HOXA10: variants seen among roughly 807,000 people sequenced by gnomAD.
HOXA10 encodes the protein homeobox protein Hox-A10.
Under a neutral mutation model 29.7 loss-of-function variants are expected in HOXA10, and 12 were observed. The observed-to-expected ratio is 0.40, with a 90% confidence interval of 0.26 to 0.65. HOXA10 has a LOEUF of 0.65. Ranked by LOEUF, HOXA10 falls within the 30% of genes least tolerant of loss-of-function variation. The probability of loss-of-function intolerance (pLI) is 0.37; values close to 1 mark genes in which losing one functional copy is unlikely to be tolerated. For missense variants in HOXA10, 656 were observed against 585.9 expected (o/e 1.12, Z -1.24); for synonymous variants, 327 against 280.7 (o/e 1.16, Z -1.65).
At chr7:27,175,848 G>C (rs997118448), upstream of HOXA10, among the ~76,000 whole-genome samples, 3 of 152,236 alleles carry the variant, frequency 2.0e-5, no homozygotes, top group African/African-American at 4.8e-5. Context: ...TTGCATCCGG[G>C]TCATACGCGG....
rs1037795249 is a variant in HOXA10, at chr7:27,173,621, C to T, written c.686G>A (p.Gly229Asp). The T allele has an allele frequency of 6.5e-7, 1 of 1,535,258 alleles. No homozygotes were observed. The highest frequency in any genetic ancestry group is 1.2e-5 in the South Asian group (1 of 82,516). ...CCCGAGTTGCTGCGCGCCGCCGCCG[C>T]CGCTGCCATAGCCCTTGGCGGTGCC... Reference protein sequence around the residue: ...AYGTAKGYGSGGGGAQQLGAG... With the variant: ...AYGTAKGYGSDGGGAQQLGAG... The change falls in exon 1 of 2, where the codon GGC (glycine) becomes GAC (aspartate). Residue 229 changes from glycine to aspartate, a missense_variant. Physicochemically the swap from Gly to Asp is moderately conservative, Grantham distance 94. This residue lies in a region of HOXA10 where 594 missense variants were observed against 491.9 expected (regional missense o/e 1.21). Coordinates refer to ENST00000283921, the MANE Select transcript of HOXA10 (RefSeq NM_018951.4).
intron 1 of HOXA10, chr7:27,172,877 G>T: frequency 5.9e-6 from 1 of 170,246 alleles, no homozygotes; most frequent in South Asian, 1.3e-4. Flanking sequence ...AAAGCATGGG[G>T]GATCGTAAAC....
Position 27,173,341 on chromosome 7 carries a change from C to T in HOXA10, c.958+8G>A, listed in dbSNP as rs1407353459. The T allele has an allele frequency of 2.5e-6, 4 of 1,611,784 alleles. No individual in the cohort carries two copies. The African/African-American group carries it at 4.0e-5, about 16-fold the overall frequency. On this transcript the variant is annotated splice_region_variant and intron_variant, in intron 1 of 1. Transcript: ENST00000283921. ...CGCCTGACTGCAGCCCTCTGCAGCCCTGCTTACCCAGGGAATCCTTCTCCG... is the reference window on the plus strand; with the variant it reads ...CGCCTGACTGCAGCCCTCTGCAGCCTTGCTTACCCAGGGAATCCTTCTCCG...
upstream of HOXA10, chr7:27,174,338 C>T: frequency 1.9e-6 from 3 of 1,596,512 alleles, no homozygotes; most frequent in Non-Finnish European, 2.5e-6. Context: ...ATACGATTAG[C>T]AATCCCCCCG....
In HOXA10 at chr7:27,173,453, C is replaced by A; in HGVS notation, c.854G>T (p.Gly285Val). The A allele has an allele frequency of 6.3e-7, 1 of 1,577,512 alleles. No individual in the cohort carries two copies. ...GTGCGCCTCCTCGTCGCCCTGCGAG[C>A]CCCCGCCGCTGCCGCAAGCCAGCGT... ...PPTLACGSGGGSQGDEEAHAS... is the reference protein window; with the variant it reads ...PPTLACGSGGVSQGDEEAHAS... The change falls in exon 1 of 2, where the codon GGC becomes GTC. Residue 285 changes from glycine (G) to valine (V), a missense_variant. Coordinates refer to ENST00000283921, the MANE Select transcript of HOXA10 (RefSeq NM_018951.4).
chr7:27,178,691 C>G (rs995166320), upstream of HOXA10, among the ~76,000 whole-genome samples: 5 of 152,160 alleles, frequency 3.3e-5, no homozygotes, highest in Non-Finnish European at 7.3e-5. Flanking sequence ...CTATGATAGG[C>G]AAAATTTACG....
Position 27,173,994 on chromosome 7 carries a change from G to A in HOXA10, c.313C>T (p.Pro105Ser), listed in dbSNP as rs1278173532. 1 of 1,528,582 alleles carries A rather than the reference G, an allele frequency of 6.5e-7. No individual in the cohort carries two copies. Among genetic ancestry groups the A allele is most frequent in the South Asian group, 1.2e-5 (1 of 83,324 alleles). 94.7% of individuals were successfully genotyped at this position (1,528,582 alleles called of 1,614,324 possible). Residue 105 changes from proline (P) to serine (S), a missense_variant, in exon 1 of 2, where the codon CCC becomes TCC. This residue lies in a region of HOXA10 where 594 missense variants were observed against 491.9 expected (regional missense o/e 1.21). Transcript: ENST00000283921. ...GSGGGGGGLG[P>S]GAHGYGPSPI... ...GAGGGCCCGTAGCCGTGCGCCCCGGGACCTAGACCCCCGCCACCGCCACCG... is the reference window on the plus strand; with the variant it reads ...GAGGGCCCGTAGCCGTGCGCCCCGGAACCTAGACCCCCGCCACCGCCACCG...
chr7:27,173,390 G>A lies in HOXA10; in HGVS notation c.917C>T (p.Pro306Leu), dbSNP rs749160535. ...SSAAEELSPA[P>L]SESSKASPEK... ...CGGCGAGGCTTTGCTGCTCTCGGAA[G>A]GGGCCGGGGAGAGCTCCTCCGCGGC... Residue 306 changes from proline (P) to leucine (L), a missense_variant, in exon 1 of 2, where the codon CCT (proline) becomes CTT (leucine). Physicochemically the swap from Pro to Leu is moderately conservative, Grantham distance 98 (BLOSUM62 -3). Around this residue, in one of 2 missense-constraint regions of HOXA10, gnomAD observed 594 missense variants for 491.9 expected, o/e 1.21. Coordinates refer to ENST00000283921, the MANE Select transcript of HOXA10 (RefSeq NM_018951.4). The A allele has an allele frequency of 7.4e-6, 12 of 1,611,702 alleles. No individual in the cohort carries two copies. The African/African-American group carries it at 1.5e-4, about 20-fold the overall frequency.
chr7:27,177,465 C>T (rs913178622), upstream of HOXA10, among the ~76,000 whole-genome samples: 2 of 152,102 alleles, frequency 1.3e-5, no homozygotes, highest in African/African-American at 4.8e-5. Flanking sequence ...GCAGGCGGGC[C>T]GGCTGCTGCT....
chr7:27,171,344 GC>G lies in HOXA10; in HGVS notation c.*554del. 1 of 454,300 alleles carries G rather than the reference GC, an allele frequency of 2.2e-6. No homozygotes were observed. Among genetic ancestry groups the G allele is most frequent in the Non-Finnish European group, 4.4e-6 (1 of 226,844 alleles). 28.1% of individuals were successfully genotyped at this position (454,300 alleles called of 1,614,324 possible). A position where few individuals can be genotyped will look rare whatever the true frequency, so the allele number is the denominator to read the frequency against. The stretch of plus-strand genomic sequence containing the variant: ...CCCGTTTGCCAACCTGCATGTCCAT[GC>G]CTGTAAGCCCTTCTCTTGGCCAAGG... On this transcript the variant is annotated 3_prime_UTR_variant, in exon 2 of 2. Coordinates refer to ENST00000283921, the MANE Select transcript of HOXA10 (RefSeq NM_018951.4).
rs751339741 is a variant in HOXA10 at position 27,173,827 on chromosome 7, C to A, written c.480G>T (p.Ala160=). 9.9e-6 allele frequency: 16 copies of A among 1,610,822 alleles called. No individual in the cohort carries two copies. Among genetic ancestry groups the A allele is most frequent in the South Asian group, 2.2e-5 (2 of 90,756 alleles). ...PAPQATSCSF[A]QNIKEESSYC... is the part of the protein sequence containing the mutation. ...AGGAGCTCTCTTCTTTGATGTTCTG[C>A]GCGAAAGAGCACGAGGTGGCCTGCG... Residue 160 remains alanine (A), a synonymous_variant, in exon 1 of 2, where the codon GCG becomes GCT. Transcript: ENST00000283921.
rs997370301 is a variant in HOXA10 at position 27,170,853 on chromosome 7, A to G, written c.*1046T>C. 2.0e-5 allele frequency: 9 copies of G among 454,368 alleles called. No homozygotes were observed. Among genetic ancestry groups the G allele is most frequent in the African/African-American group, 1.8e-4 (9 of 50,002 alleles). 28.1% of individuals were successfully genotyped at this position (454,368 alleles called of 1,614,324 possible). A position where few individuals can be genotyped will look rare whatever the true frequency, so the allele number is the denominator to read the frequency against. On this transcript the variant is annotated 3_prime_UTR_variant, in exon 2 of 2. Coordinates refer to ENST00000283921, the MANE Select transcript of HOXA10 (RefSeq NM_018951.4). ...ATCTACAGGTTTGACCCTTTTATGC[A>G]TGTAACTTCACAGTATAAAGGAAAT... is the stretch of plus-strand genomic sequence containing the variant.
chr7:27,172,648 A>G (rs930121959), intron 1 of HOXA10: 18 of 200,360 alleles, frequency 9.0e-5, no homozygotes, highest in Non-Finnish European at 1.6e-4. Context: ...GAAGGGCATC[A>G]TTGGTCCAAT....
Position 27,172,173 on chromosome 7 carries a change from C to T in HOXA10, c.959G>A (p.Gly320Asp). The T allele has an allele frequency of 6.2e-7, 1 of 1,613,754 alleles. No homozygotes were observed. Among genetic ancestry groups the T allele is most frequent in the South Asian group, 1.1e-5 (1 of 91,060 alleles). Reference protein sequence around the residue: ...SKASPEKDSLGNSKGENAANW... With the variant: ...SKASPEKDSLDNSKGENAANW... ...GGCTGCGTTTTCACCTTTGGAATTG[C>T]CTGGCATGTAAGAGAATAAAGAGGG... The change falls in exon 2 of 2, where the codon GGC becomes GAC. Residue 320 changes from glycine (G) to aspartate (D), a missense_variant and splice_region_variant. Transcript: ENST00000283921.
chr7:27,174,044 C>A lies in HOXA10; in HGVS notation c.263G>T (p.Arg88Leu). ...CGLFPTLGGK[R>L]NEAASPGSGG... Reference sequence around the variant, plus strand: ...GCTGCCCGGCGACGCTGCCTCATTGCGCTTGCCGCCCAGCGTGGGGAAGAG... The same window carrying A: ...GCTGCCCGGCGACGCTGCCTCATTGAGCTTGCCGCCCAGCGTGGGGAAGAG... The change falls in exon 1 of 2, where the codon CGC becomes CTC. Residue 88 changes from arginine (R) to leucine (L), a missense_variant. Physicochemically the swap from Arg to Leu is moderately radical, Grantham distance 102. This residue lies in a region of HOXA10 where 594 missense variants were observed against 491.9 expected (regional missense o/e 1.21). Transcript: ENST00000283921. 2 of 1,540,286 alleles carry A rather than the reference C, an allele frequency of 1.3e-6. No homozygotes were observed. The highest frequency in any genetic ancestry group is 1.4e-5 in the African/African-American group (1 of 72,942).
In HOXA10 at chr7:27,171,087, C is replaced by T. The variant is rs1216512191; in HGVS notation, c.*812G>A. 2.2e-6 allele frequency: 1 copy of T among 449,444 alleles called. No homozygotes were observed. The highest frequency in any genetic ancestry group is 4.4e-6 in the Non-Finnish European group (1 of 225,552). 27.8% of individuals were successfully genotyped at this position (449,444 alleles called of 1,614,324 possible). ...TAATGACAAAAAAATCCACTAATTCCAAATGCATAAACAAAACTACATTAT... is the reference window on the plus strand; with the variant it reads ...TAATGACAAAAAAATCCACTAATTCTAAATGCATAAACAAAACTACATTAT... On this transcript the variant is annotated 3_prime_UTR_variant, in exon 2 of 2. Coordinates refer to ENST00000283921, the MANE Select transcript of HOXA10 (RefSeq NM_018951.4).
At chr7:27,174,324 C>A (rs768233328), upstream of HOXA10, 11 of 1,597,624 alleles carry the variant, frequency 6.9e-6, no homozygotes, top group South Asian at 1.2e-4. Context: ...GCAAAACATG[C>A]TGAATACGAT....
chr7:27,174,666 T>C, upstream of HOXA10: 1 of 316,032 alleles, frequency 3.2e-6, no homozygotes, highest in East Asian at 8.0e-5. Context: ...AAGTGGGGTG[T>C]TTATGGTGCG....
At chr7:27,172,939 T>G in intron 1 of HOXA10, 1 of 201,000 alleles carries the variant, frequency 5.0e-6, no homozygotes. Flanking sequence ...GGCTGCTTAT[T>G]TTGGATGCCT....
Sources: gnomAD v4.1 joint callset for allele counts (sites outside exome capture counted in the v4.1 genomes callset) on GRCh38, gnomAD v4.1.1 for gene constraint, gnomAD v4.1.1 regional missense constraint, MANE v1.5 for transcripts, NCBI Gene and HGNC (gene_info 2026-07-23, HGNC 2026-07-21) for gene names.